Variants in PTPN12 observed in about 807,000 individuals in gnomAD.
PTPN12 encodes the protein protein tyrosine phosphatase non-receptor type 12.
PTPN12 carries 29 observed loss-of-function variants against 97.6 expected under a neutral mutation model. The ratio of observed to expected loss-of-function variants is 0.30; its 90% CI spans 0.22 to 0.41. The LOEUF is 0.41. Among genes scored for constraint, PTPN12 ranks in the 10% least tolerant of loss-of-function variants. PTPN12 has a pLI of 1.00. For missense variants in PTPN12, 819 were observed against 926.0 expected, an observed-to-expected ratio of 0.88 and a Z score of 1.50; for synonymous variants, 327 against 300.4, an observed-to-expected ratio of 1.09 and a Z score of -0.91.
At chr7:77,571,478 T>A (rs1366076032) in intron 2 of PTPN12, among the ~76,000 whole-genome samples, 1 of 152,224 alleles carries the variant, frequency 6.6e-6, no homozygotes, top group African/African-American at 2.4e-5. Context: ...TCAAAGATGT[T>A]ATTTCATTAA....
At chr7:77,539,814 G>T (rs1327611998) in intron 1 of PTPN12, among the ~76,000 whole-genome samples, 1 of 151,868 alleles carries the variant, frequency 6.6e-6, no homozygotes, top group Non-Finnish European at 1.5e-5. Context: ...CGAAGTAGCC[G>T]GGACTACAGG....
intron 2 of PTPN12, among the ~76,000 whole-genome samples, chr7:77,577,888 G>A (rs1398463538): frequency 6.6e-6 from 1 of 152,116 alleles, no homozygotes; most frequent in African/African-American, 2.4e-5. Context: ...GCTTTCCCCA[G>A]CTGTTGAATG....
chr7:77,582,384 T>C (rs1018490318), intron 3 of PTPN12, among the ~76,000 whole-genome samples: 10 of 152,196 alleles, frequency 6.6e-5, no homozygotes, highest in African/African-American at 2.2e-4. Flanking sequence ...AGCTAATCTG[T>C]GATTTTTAAT....
rs533413931 is a variant in PTPN12 at position 77,594,307 on chromosome 7, A to T, written c.492+2051A>T. ...TGAGACATTATTAACATTTTTAAAA[A>T]CGTTAAAAATCCCACTGCATTTCCT... On this transcript the variant is annotated intron_variant, in intron 6 of 17. Coordinates refer to ENST00000248594, the MANE Select transcript of PTPN12 (RefSeq NM_002835.4). 1.3e-4 allele frequency among the ~76,000 whole-genome samples: 20 copies of T among 152,202 alleles called. No individual in the cohort carries two copies. The East Asian group carries it at 3.9e-3, about 29-fold the overall frequency.
intron 12 of PTPN12, 97 bp from the exon 13 acceptor site, chr7:77,626,608 G>T: frequency 7.5e-7 from 1 of 1,326,728 alleles, no homozygotes; most frequent in Non-Finnish European, 1.0e-6. Flanking sequence ...CAACCAGATT[G>T]TAATGGCTCT....
At chr7:77,625,372 C>T (rs557102553) in intron 12 of PTPN12, among the ~76,000 whole-genome samples, 2 of 150,568 alleles carry the variant, frequency 1.3e-5, no homozygotes, top group Non-Finnish European at 3.0e-5. Flanking sequence ...CTACCTCAGC[C>T]TTCCTAGTAG....
chr7:77,597,432 T>C (rs556914390), intron 6 of PTPN12, among the ~76,000 whole-genome samples: 88 of 152,308 alleles, frequency 5.8e-4, no homozygotes, highest in Admixed American at 2.3e-3. Context: ...TCAGAAGTCA[T>C]ATAGTTTGAA....
intron 5 of PTPN12, among the ~76,000 whole-genome samples, chr7:77,589,061 A>G (rs1787783495): frequency 6.6e-6 from 1 of 151,948 alleles, no homozygotes; most frequent in Admixed American, 6.6e-5. Context: ...TTTAGTAGAG[A>G]TGGGGTTTCA....
intron 5 of PTPN12, among the ~76,000 whole-genome samples, chr7:77,587,367 G>A (rs1405548461): frequency 2.7e-5 from 4 of 148,372 alleles, no homozygotes; most frequent in Non-Finnish European, 6.0e-5. Context: ...CGTTGTAAAC[G>A]GAAATATTTT....
intron 2 of PTPN12, among the ~76,000 whole-genome samples, chr7:77,579,670 A>G (rs1177866644): frequency 2.0e-5 from 3 of 152,356 alleles, no homozygotes; most frequent in East Asian, 3.9e-4. Context: ...AGTTTTAAAC[A>G]TCAGCACAAA....
chr7:77,593,085 A>C (rs1157747894), intron 6 of PTPN12, among the ~76,000 whole-genome samples: 1 of 152,104 alleles, frequency 6.6e-6, no homozygotes, highest in African/African-American at 2.4e-5. Flanking sequence ...CCTGGACAAC[A>C]TGGCAAAACT....
rs1440891753 is a variant in PTPN12, at chr7:77,567,047, CT to C, written c.100-4029del. On this transcript the variant is annotated intron_variant, in intron 1 of 17. Transcript: ENST00000248594. Reference sequence around the variant, plus strand: ...TAATACAGAATTTTTTTGTTTCTTTCTTAGTAATAGCTTCATCAGAGACAAT... The same window carrying C: ...TAATACAGAATTTTTTTGTTTCTTTCTAGTAATAGCTTCATCAGAGACAAT... Among the ~76,000 whole-genome samples the C allele has an allele frequency of 6.6e-5, 10 of 151,042 alleles. No individual in the cohort carries two copies. The South Asian group carries it at 1.0e-3, about 16-fold the overall frequency.
At chr7:77,618,081 G>A (rs1788810921) in intron 11 of PTPN12, among the ~76,000 whole-genome samples, 1 of 152,068 alleles carries the variant, frequency 6.6e-6, no homozygotes. Context: ...CCATTACTTG[G>A]TAAATGGTAT....
chr7:77,625,528 T>G (rs1253393209), intron 12 of PTPN12, among the ~76,000 whole-genome samples: 4 of 107,374 alleles, frequency 3.7e-5, no homozygotes, highest in African/African-American at 7.4e-5. Flanking sequence ...TCTCTCACTC[T>G]CACTCTCACT....
chr7:77,583,705 G>A (rs1046685297), intron 4 of PTPN12, 55 bp downstream of exon 4: 2 of 1,144,196 alleles, frequency 1.7e-6, no homozygotes, highest in Non-Finnish European at 2.6e-6. Context: ...TAATAACATA[G>A]GCTATTTTAC....
intron 1 of PTPN12, among the ~76,000 whole-genome samples, chr7:77,538,330 C>T (rs1372114308): frequency 1.4e-4 from 21 of 151,650 alleles, no homozygotes; most frequent in African/African-American, 4.9e-4. Flanking sequence ...ACTATAGGTT[C>T]AGGGGATAAG....
chr7:77,600,105 G>A (rs891547987), intron 7 of PTPN12, among the ~76,000 whole-genome samples: 2 of 152,156 alleles, frequency 1.3e-5, no homozygotes, highest in Non-Finnish European at 2.9e-5. Flanking sequence ...AGGGGAGGGG[G>A]TACCCAGACC....
At chr7:77,638,311 A>G (rs1789679192) in intron 16 of PTPN12, among the ~76,000 whole-genome samples, 2 of 152,076 alleles carry the variant, frequency 1.3e-5, no homozygotes, top group Admixed American at 6.6e-5. Context: ...TTCCCTTAGA[A>G]CATAGGCATA....
At position 77,639,245 on chromosome 7, in the gene PTPN12, A is replaced by G. The variant is rs1789714088; in HGVS notation, c.2308A>G (p.Lys770Glu). Residue 770 changes from lysine (K) to glutamate (E), a missense_variant, in exon 18 of 18, where the codon AAA (lysine) becomes GAA (glutamate). Physicochemically the swap from Lys to Glu is moderately conservative, Grantham distance 56. Around this residue, in one of 5 missense-constraint regions of PTPN12, gnomAD observed 607 missense variants for 577.3 expected, o/e 1.05. Coordinates refer to ENST00000248594, the MANE Select transcript of PTPN12 (RefSeq NM_002835.4). ...TTTTGGTAATCGATGTGGAAAACCC[A>G]AAGGACCAAGAGATCCACCTTCAGA... ...IGFGNRCGKP[K>E]GPRDPPSEWT 1.2e-6 allele frequency: 2 copies of G among 1,612,958 alleles called. No homozygotes were observed. Among genetic ancestry groups the G allele is most frequent in the East Asian group, 2.2e-5 (1 of 44,816 alleles).
Sources: allele counts gnomAD v4.1 joint callset (sites outside exome capture counted in the v4.1 genomes callset), GRCh38; gene constraint gnomAD v4.1.1; regional missense constraint gnomAD v4.1.1; transcripts MANE v1.5; gene names NCBI Gene and HGNC (gene_info 2026-07-23, HGNC 2026-07-21).